Variants in BCAP29 observed in about 807,000 individuals in gnomAD.
The protein encoded by BCAP29 is B cell receptor associated protein 29.
In BCAP29, 34 loss-of-function variants were observed where a neutral mutation model predicts 31.8. The ratio of observed to expected loss-of-function variants is 1.07; its 90% confidence interval spans 0.81 to 1.42. The LOEUF (loss-of-function observed/expected upper bound fraction) is 1.42, where lower values mean the gene tolerates loss of function less well. Ranked by LOEUF, BCAP29 falls within the 40% of genes most tolerant of loss-of-function variation. The pLI, the probability that BCAP29 is intolerant of heterozygous loss-of-function variation, is 0.00. For missense variants in BCAP29, 314 were observed against 269.2 expected, an observed-to-expected ratio of 1.17 and a Z score of -1.16; for synonymous variants, 104 against 91.3, an observed-to-expected ratio of 1.14 and a Z score of -0.79.
chr7:107,596,801 TA>T (rs34297242), intron 5 of BCAP29, among the ~76,000 whole-genome samples: 1 of 152,196 alleles, frequency 6.6e-6, no homozygotes, highest in Non-Finnish European at 1.5e-5. Context: ...CTTGCCCTTT[TA>T]AAAAAAGCAC....
rs201077441 is a variant in BCAP29 at position 107,602,931 on chromosome 7, A to ACTT, written c.589+2427_589+2429dup. Among the ~76,000 whole-genome samples the ACTT allele has an allele frequency of 9.0e-3, 1,308 of 145,234 alleles. 18 individuals are homozygous for ACTT. Among genetic ancestry groups the ACTT allele is most frequent in the African/African-American group, 0.029 (1,139 of 39,274 alleles). On this transcript the variant is annotated intron_variant, in intron 6 of 7. Coordinates refer to ENST00000005259, the MANE Select transcript of BCAP29 (RefSeq NM_018844.4). ...TTTAAAGGTCTCTTCCAGGAAAACT[A>ACTT]CTTATTTTCATAAATGAATACCTTC... is the stretch of plus-strand genomic sequence containing the variant.
At chr7:107,600,227 TTAAG>T (rs1563134816) in intron 5 of BCAP29, 166 bp from the exon 6 acceptor site, 1 of 649,724 alleles carries the variant, frequency 1.5e-6, no homozygotes, top group Non-Finnish European at 2.8e-6. Context: ...TTCCCAAATA[TTAAG>T]TTTCTGTTAG....
intron 7 of BCAP29, 137 bp from the exon 8 acceptor site, chr7:107,618,191 T>C (rs1451779815): frequency 3.3e-6 from 2 of 609,082 alleles, no homozygotes; most frequent in Non-Finnish European, 5.2e-6. Flanking sequence ...ATTTTAGACT[T>C]TCTCAATCCT....
intron 2 of BCAP29, among the ~76,000 whole-genome samples, chr7:107,582,037 A>G (rs901224185): frequency 1.7e-4 from 26 of 152,308 alleles, no homozygotes; most frequent in Admixed American, 1.7e-3. Context: ...GCTGCCTCTC[A>G]TCCTGTAGGT....
chr7:107,600,909 A>G (rs1211572684), intron 6 of BCAP29, among the ~76,000 whole-genome samples: 1 of 152,224 alleles, frequency 6.6e-6, no homozygotes, highest in East Asian at 1.9e-4. Context: ...AAGCACTAAT[A>G]TATTCTACCT....
chr7:107,591,641 T>TACACACACACACACACACACAC (rs924671499), intron 3 of BCAP29, among the ~76,000 whole-genome samples: 736 of 41,820 alleles, frequency 0.018, 61 homozygotes, highest in African/African-American at 0.036. Context: ...CATACACACA[T>TACACACACACACACACACACAC]ACACACACAC....
At chr7:107,599,201 A>G (rs1326112078) in intron 5 of BCAP29, among the ~76,000 whole-genome samples, 2 of 24,944 alleles carry the variant, frequency 8.0e-5, no homozygotes, top group Admixed American at 4.1e-4. Context: ...ATATAAATAC[A>G]TATTTATAAA....
At chr7:107,582,510 G>T (rs1489955309) in intron 2 of BCAP29, among the ~76,000 whole-genome samples, 1 of 152,058 alleles carries the variant, frequency 6.6e-6, no homozygotes, top group East Asian at 1.9e-4. Flanking sequence ...GTGGTTAAAG[G>T]CACATGCTCA....
rs1403143641 is a variant in BCAP29 at position 107,618,406 on chromosome 7, ATTTTG to A, written c.*46_*50del. On this transcript the variant is annotated 3_prime_UTR_variant, in exon 8 of 8. Coordinates refer to ENST00000005259, the MANE Select transcript of BCAP29 (RefSeq NM_018844.4). ...TGCAATATACTGTGTCAAAATGATA[ATTTTG>A]TTATGTTAGCCTCTAGAAAATTTAA... The A allele has an allele frequency of 1.9e-5, 30 of 1,612,388 alleles. No individual in the cohort carries two copies. Among genetic ancestry groups the A allele is most frequent in the Non-Finnish European group, 2.2e-5 (26 of 1,178,864 alleles).
chr7:107,585,918 G>A (rs1237913312), intron 3 of BCAP29, among the ~76,000 whole-genome samples: 2 of 152,128 alleles, frequency 1.3e-5, no homozygotes, highest in Non-Finnish European at 1.5e-5. Context: ...TTGCACCCGA[G>A]AGGCAGAGGT....
At chr7:107,604,685 GTTT>G (rs56875105) in intron 6 of BCAP29, among the ~76,000 whole-genome samples, 5,624 of 147,178 alleles carry the variant, frequency 0.038, 150 homozygotes, top group Non-Finnish European at 0.046. Flanking sequence ...TGTTGTTGTT[GTTT>G]TTTTTTTTTT....
chr7:107,584,805 T>C (rs771547549), intron 3 of BCAP29, among the ~76,000 whole-genome samples: 6 of 152,204 alleles, frequency 3.9e-5, no homozygotes, highest in Non-Finnish European at 7.3e-5. Flanking sequence ...TTAACTTTAG[T>C]TGTGATAACA....
At chr7:107,609,042 G>T (rs1484967595) in intron 6 of BCAP29, among the ~76,000 whole-genome samples, 1 of 152,190 alleles carries the variant, frequency 6.6e-6, no homozygotes, top group Non-Finnish European at 1.5e-5. Flanking sequence ...ACGTGGTGTG[G>T]TGAAACTTGA....
intron 3 of BCAP29, 30 bp from the exon 4 acceptor site, chr7:107,593,925 A>G (rs929671512): frequency 1.3e-6 from 2 of 1,556,094 alleles, no homozygotes; most frequent in South Asian, 1.2e-5. Context: ...GTAAAAGCCA[A>G]AAGTACTGTT....
Position 107,618,411 on chromosome 7 carries a change from G to A in BCAP29, c.*48G>A, listed in dbSNP as rs10262001. 2.7e-3 allele frequency: 4,273 copies of A among 1,612,226 alleles called. 101 individuals are homozygous for A. The African/African-American group carries it at 0.051, about 19-fold the overall frequency. On this transcript the variant is annotated 3_prime_UTR_variant, in exon 8 of 8. Transcript: ENST00000005259. The stretch of plus-strand genomic sequence containing the variant: ...TATACTGTGTCAAAATGATAATTTT[G>A]TTATGTTAGCCTCTAGAAAATTTAA...
intron 7 of BCAP29, 97 bp downstream of exon 7, chr7:107,613,529 T>C: frequency 7.6e-7 from 1 of 1,308,472 alleles, no homozygotes. Context: ...ATCAAGATGA[T>C]GTACTTAATC....
At chr7:107,584,195 A>C (rs1024693459) in intron 3 of BCAP29, among the ~76,000 whole-genome samples, 1 of 152,210 alleles carries the variant, frequency 6.6e-6, no homozygotes, top group Non-Finnish European at 1.5e-5. Context: ...AATGATTCTT[A>C]ACCCCTTCTA....
chr7:107,591,121 T>A (rs1486047203), intron 3 of BCAP29, among the ~76,000 whole-genome samples: 1 of 151,976 alleles, frequency 6.6e-6, no homozygotes, highest in East Asian at 1.9e-4. Flanking sequence ...TGAAAGAAAA[T>A]CAAAATAAAT....
chr7:107,604,057 C>T (rs1811648791), intron 6 of BCAP29, among the ~76,000 whole-genome samples: 1 of 152,046 alleles, frequency 6.6e-6, no homozygotes, highest in South Asian at 2.1e-4. Flanking sequence ...CAATCAGAAA[C>T]TGAGTGTAAA....
Sources: allele counts gnomAD v4.1 joint callset (sites outside exome capture counted in the v4.1 genomes callset), GRCh38; gene constraint gnomAD v4.1.1; transcripts MANE v1.5; gene names NCBI Gene and HGNC (gene_info 2026-07-23, HGNC 2026-07-21).